TBC1D32: variants seen among roughly 807,000 people sequenced by gnomAD.
The protein encoded by TBC1D32 is TBC1 domain family member 32.
Under a neutral mutation model 170.3 loss-of-function variants are expected in TBC1D32, and 151 were observed. That is an observed-to-expected ratio of 0.89 (90% confidence interval 0.78 to 1.01). The LOEUF (loss-of-function observed/expected upper bound fraction) is 1.01, where lower values mean the gene tolerates loss of function less well. Ranked by LOEUF, TBC1D32 falls within the 50% of genes least tolerant of loss-of-function variation. The pLI is 0.00. For synonymous variants in TBC1D32, 498 were observed against 488.0 expected, an observed-to-expected ratio of 1.02 and a Z score of -0.27; for missense variants, 1,464 against 1,457.1, an observed-to-expected ratio of 1.00 and a Z score of -0.08.
chr6:121,151,510 A>G (rs1361556843), intron 24 of TBC1D32, among the ~76,000 whole-genome samples: 1 of 152,144 alleles, frequency 6.6e-6, no homozygotes, highest in African/African-American at 2.4e-5. Context: ...GTAGATGTCT[A>G]TTAGATCTGC....
chr6:121,135,484 G>A (rs1781952440), intron 24 of TBC1D32, among the ~76,000 whole-genome samples: 1 of 152,240 alleles, frequency 6.6e-6, no homozygotes, highest in South Asian at 2.1e-4. Context: ...TGAGAAAAGG[G>A]AAACCAATGA....
intron 20 of TBC1D32, among the ~76,000 whole-genome samples, chr6:121,224,174 C>T (rs143076547): frequency 1.3e-5 from 2 of 152,246 alleles, no homozygotes; most frequent in African/African-American, 4.8e-5. Flanking sequence ...TGACTGCCAC[C>T]TATACATACT....
chr6:121,302,649 AATTTT>A (rs1249139553), intron 9 of TBC1D32, among the ~76,000 whole-genome samples: 1 of 152,162 alleles, frequency 6.6e-6, no homozygotes, highest in African/African-American at 2.4e-5. Context: ...AGAAAAATTT[AATTTT>A]ATTTAAGCTT....
At chr6:121,134,491 A>T (rs1028002945) in intron 24 of TBC1D32, among the ~76,000 whole-genome samples, 2 of 152,118 alleles carry the variant, frequency 1.3e-5, no homozygotes, top group Non-Finnish European at 2.9e-5. Flanking sequence ...GTTGGTAGAC[A>T]GCCTGAAGGA....
chr6:121,257,838 T>G (rs1563111774), intron 15 of TBC1D32, among the ~76,000 whole-genome samples: 2 of 152,150 alleles, frequency 1.3e-5, no homozygotes, highest in Non-Finnish European at 2.9e-5. Context: ...GGGGTACTTT[T>G]GACACTATCC....
intron 25 of TBC1D32, 121 bp from the exon 26 acceptor site, chr6:121,126,582 A>T: frequency 1.3e-5 from 8 of 606,814 alleles, no homozygotes; most frequent in South Asian, 1.0e-4. Context: ...ACTCTAAGGG[A>T]GTTCAATTCA....
chr6:121,217,369 C>T (rs1370610924), intron 21 of TBC1D32, among the ~76,000 whole-genome samples: 1 of 152,200 alleles, frequency 6.6e-6, no homozygotes, highest in African/African-American at 2.4e-5. Flanking sequence ...TAATCTTATC[C>T]AGAGAGAACA....
At chr6:121,081,005 G>A (rs1319675318) in intron 31 of TBC1D32, 115 bp from the exon 32 acceptor site, 3 of 1,228,766 alleles carry the variant, frequency 2.4e-6, no homozygotes, top group Non-Finnish European at 3.4e-6. Flanking sequence ...GGGGTGGGCT[G>A]TTTATGTTGC....
intron 1 of TBC1D32, among the ~76,000 whole-genome samples, chr6:121,329,388 C>G (rs1383546933): frequency 6.6e-6 from 1 of 152,168 alleles, no homozygotes; most frequent in Non-Finnish European, 1.5e-5. Flanking sequence ...GTGGCTCACA[C>G]CTGTAATCCC....
At chr6:121,312,218 A>G (rs531809909) in intron 3 of TBC1D32, among the ~76,000 whole-genome samples, 1 of 152,246 alleles carries the variant, frequency 6.6e-6, no homozygotes, top group East Asian at 1.9e-4. Context: ...GGGGAGGGAG[A>G]GCATTAGGAC....
chr6:121,098,312 C>A (rs934945168), intron 30 of TBC1D32, among the ~76,000 whole-genome samples: 1 of 151,780 alleles, frequency 6.6e-6, no homozygotes, highest in African/African-American at 2.4e-5. Context: ...ATAAAGTTTT[C>A]TGATTCAAAG....
At chr6:121,149,464 T>C (rs1206654488) in intron 24 of TBC1D32, among the ~76,000 whole-genome samples, 1 of 152,074 alleles carries the variant, frequency 6.6e-6, no homozygotes. Context: ...CCAGTTTCAT[T>C]TTTTGGCATA....
At chr6:121,152,895 T>C (rs1002330964) in intron 24 of TBC1D32, among the ~76,000 whole-genome samples, 1 of 152,146 alleles carries the variant, frequency 6.6e-6, no homozygotes. Context: ...CTAGTAGCAA[T>C]TCCTGTAACC....
chr6:121,312,967 A>C (rs1019817097), intron 3 of TBC1D32, among the ~76,000 whole-genome samples: 14 of 152,108 alleles, frequency 9.2e-5, no homozygotes, highest in Non-Finnish European at 1.5e-4. Context: ...ACTTGCCTTG[A>C]ATTCCTTCCT....
intron 24 of TBC1D32, among the ~76,000 whole-genome samples, chr6:121,142,299 G>A (rs971602552): frequency 6.6e-6 from 1 of 152,230 alleles, no homozygotes; most frequent in African/African-American, 2.4e-5. Flanking sequence ...CAAGTGGCAT[G>A]ACTGCCAGTA....
intron 1 of TBC1D32, among the ~76,000 whole-genome samples, chr6:121,332,711 T>A (rs1465035667): frequency 6.6e-6 from 1 of 152,258 alleles, no homozygotes; most frequent in African/African-American, 2.4e-5. Context: ...AAAACATTAA[T>A]CACCCAGCCT....
chr6:121,332,408 G>A (rs1274536948), intron 1 of TBC1D32, among the ~76,000 whole-genome samples: 3 of 152,048 alleles, frequency 2.0e-5, no homozygotes, highest in Non-Finnish European at 4.4e-5. Flanking sequence ...TAAACTTCTA[G>A]CATAACAGAT....
chr6:121,247,813 T>C (rs1797816821), intron 17 of TBC1D32, among the ~76,000 whole-genome samples: 1 of 151,448 alleles, frequency 6.6e-6, no homozygotes, highest in African/African-American at 2.4e-5. Context: ...CTCCCACATT[T>C]ATAAAACCAT....
intron 24 of TBC1D32, among the ~76,000 whole-genome samples, chr6:121,153,361 T>C (rs1017364708): frequency 1.3e-5 from 2 of 152,178 alleles, no homozygotes; most frequent in Non-Finnish European, 2.9e-5. Flanking sequence ...TTCCTTCTTA[T>C]GGAATCTTCG....
Sources: gnomAD v4.1 joint callset for allele counts (sites outside exome capture counted in the v4.1 genomes callset) on GRCh38, gnomAD v4.1.1 for gene constraint, MANE v1.5 for transcripts, NCBI Gene and HGNC (gene_info 2026-07-23, HGNC 2026-07-21) for gene names.